Variants in ABCC4 observed in about 807,000 individuals in gnomAD.
ABCC4 encodes the protein ATP-binding cassette sub-family C member 4.
ABCC4 carries 102 observed loss-of-function variants against 168.5 expected under a neutral mutation model. That is an observed-to-expected ratio of 0.61 (90% CI 0.52 to 0.71). The LOEUF is 0.71. Among genes scored for constraint, ABCC4 ranks in the 30% least tolerant of loss-of-function variants. The pLI, the probability that ABCC4 is intolerant of heterozygous loss-of-function variation, is 0.00. For missense variants in ABCC4, 1,402 were observed against 1,605.8 expected, an observed-to-expected ratio of 0.87 and a Z score of 2.17; for synonymous variants, 617 against 590.7, an observed-to-expected ratio of 1.04 and a Z score of -0.65.
Position 95,063,843 on chromosome 13 carries a change from T to C in ABCC4, c.3211-984A>G, listed in dbSNP as rs372094029. Among the ~76,000 whole-genome samples, 46 of 152,340 alleles carry C rather than the reference T, an allele frequency of 3.0e-4. No homozygotes were observed. In the East Asian group the frequency reaches 8.5e-3, roughly 28 times the overall value. On this transcript the variant is annotated intron_variant, in intron 25 of 30. Coordinates refer to ENST00000645237, the MANE Select transcript of ABCC4 (RefSeq NM_005845.5). ...ATGCAGAAACTGGCCTCTGCACCAA[T>C]GACCTTGCACAACTGCAAATTTCCT...
chr13:95,072,771 C>T (rs2033775441), intron 24 of ABCC4, among the ~76,000 whole-genome samples: 1 of 152,160 alleles, frequency 6.6e-6, no homozygotes, highest in African/African-American at 2.4e-5. Flanking sequence ...CTGTTCTTCA[C>T]ATAAGAGAGT....
chr13:95,021,663 T>C lies in ABCC4; in HGVS notation c.3890A>G (p.Tyr1297Cys). The C allele has an allele frequency of 1.2e-6, 2 of 1,609,046 alleles. No homozygotes were observed. The highest frequency in any genetic ancestry group is 1.7e-6 in the Non-Finnish European group (2 of 1,176,488). ...TAKQVYFKRNYPHIGHTDHMV... is the reference protein window; with the variant it reads ...TAKQVYFKRNCPHIGHTDHMV... The stretch of plus-strand genomic sequence containing the variant: ...GTGGTCAGTGTGACCAATATGTGGA[T>C]AATTTCTTTTGAAGTATACCTAGAA... The change falls in exon 31 of 31, where the codon TAT becomes TGT. Residue 1297 changes from tyrosine (Y) to cysteine (C), a missense_variant. Around this residue, in one of 3 missense-constraint regions of ABCC4, gnomAD observed 1,007 missense variants for 1,127.3 expected, o/e 0.89. Coordinates refer to ENST00000645237, the MANE Select transcript of ABCC4 (RefSeq NM_005845.5).
intron 20 of ABCC4, among the ~76,000 whole-genome samples, chr13:95,115,367 A>G (rs2035337803): frequency 6.6e-6 from 1 of 152,104 alleles, no homozygotes; most frequent in African/African-American, 2.4e-5. Flanking sequence ...CTGTACTCAA[A>G]TTGGCTTAGA....
intron 1 of ABCC4, among the ~76,000 whole-genome samples, chr13:95,278,806 G>GAAAAAA (rs71113905): frequency 8.7e-5 from 3 of 34,344 alleles, no homozygotes; most frequent in African/African-American, 4.4e-4. Context: ...CCCTGTCTCG[G>GAAAAAA]AAAAAAAAAA....
intron 19 of ABCC4, among the ~76,000 whole-genome samples, chr13:95,117,482 A>G (rs1325608358): frequency 6.6e-6 from 1 of 151,822 alleles, no homozygotes; most frequent in Admixed American, 6.6e-5. Flanking sequence ...TGTTTGCCAG[A>G]CCATGCTATG....
At chr13:95,291,869 C>T (rs2041412814) in intron 1 of ABCC4, among the ~76,000 whole-genome samples, 2 of 152,136 alleles carry the variant, frequency 1.3e-5, no homozygotes, top group Admixed American at 1.3e-4. Flanking sequence ...ATTGCTTGAA[C>T]CAGAAGGTGG....
chr13:95,076,753 C>T (rs1321839369), intron 21 of ABCC4, among the ~76,000 whole-genome samples: 3 of 151,954 alleles, frequency 2.0e-5, no homozygotes, highest in Admixed American at 6.6e-5. Context: ...GTGTGAGCCA[C>T]CGCACCTGGC....
chr13:95,140,622 GA>G (rs1045775819), intron 19 of ABCC4, among the ~76,000 whole-genome samples: 4 of 150,400 alleles, frequency 2.7e-5, no homozygotes, highest in South Asian at 2.1e-4. Flanking sequence ...AACTTTAAAG[GA>G]AAAAAAAAGA....
rs9561786 is a variant in ABCC4 at position 95,124,883 on chromosome 13, A to T, written c.2456-8882T>A. On this transcript the variant is annotated intron_variant, in intron 19 of 30. Coordinates refer to ENST00000645237, the MANE Select transcript of ABCC4 (RefSeq NM_005845.5). The stretch of plus-strand genomic sequence containing the variant: ...ACAGAGTGAGACTTGATCTCAAAAA[A>T]AAAATAAAATAAAATAAAAAAATAA... Among the ~76,000 whole-genome samples the T allele has an allele frequency of 2.0e-3, 307 of 151,408 alleles. 2 individuals are homozygous for T. The highest frequency in any genetic ancestry group is 8.5e-3 in the East Asian group (44 of 5,172).
intron 20 of ABCC4, among the ~76,000 whole-genome samples, chr13:95,093,872 C>T (rs2034511249): frequency 6.6e-6 from 1 of 152,066 alleles, no homozygotes; most frequent in South Asian, 2.1e-4. Context: ...TTCTATACGC[C>T]AACAGGAACC....
At chr13:95,098,763 T>C (rs34613994) in intron 20 of ABCC4, among the ~76,000 whole-genome samples, 9 of 152,106 alleles carry the variant, frequency 5.9e-5, no homozygotes, top group Non-Finnish European at 8.8e-5. Flanking sequence ...AATAAGACAC[T>C]TGAATGGCCA....
chr13:95,164,054 A>AAAAAGAAAGAAAG (rs59935866), intron 16 of ABCC4, among the ~76,000 whole-genome samples: 6 of 139,010 alleles, frequency 4.3e-5, no homozygotes, highest in African/African-American at 1.7e-4. Flanking sequence ...AAAAAAAAAA[A>AAAAAGAAAGAAAG]AAAGAAAGAA....
At position 95,186,826 on chromosome 13, in the gene ABCC4, T is replaced by C. The variant is rs751719652; in HGVS notation, c.1420A>G (p.Arg474Gly). ...GGCTGCTGAGACACATAGGCAATTC[T>C]TCCATGCACGCTGACCAGCCCGTGA... ...PSHGLVSVHGRIAYVSQQPWV... is the reference protein window; with the variant it reads ...PSHGLVSVHGGIAYVSQQPWV... The change falls in exon 11 of 31, where the codon AGA becomes GGA. Residue 474 changes from arginine to glycine, a missense_variant. By Grantham distance (125) the Arg-to-Gly change is moderately radical. Around this residue, in one of 3 missense-constraint regions of ABCC4, gnomAD observed 1,007 missense variants for 1,127.3 expected, o/e 0.89. Coordinates refer to ENST00000645237, the MANE Select transcript of ABCC4 (RefSeq NM_005845.5). 4.9e-5 allele frequency: 79 copies of C among 1,614,030 alleles called. No individual in the cohort carries two copies. In the South Asian group the frequency reaches 8.6e-4, roughly 17 times the overall value.
intron 20 of ABCC4, among the ~76,000 whole-genome samples, chr13:95,089,226 T>C (rs2034351277): frequency 6.6e-6 from 1 of 152,168 alleles, no homozygotes; most frequent in Admixed American, 6.5e-5. Context: ...GGTCACAAGA[T>C]GATTTTGCAG....
chr13:95,040,137 T>C (rs893494321), intron 29 of ABCC4, among the ~76,000 whole-genome samples: 4 of 152,178 alleles, frequency 2.6e-5, no homozygotes, highest in African/African-American at 9.7e-5. Context: ...CAGTAAATGA[T>C]TCTTCTCACC....
At chr13:95,282,499 G>A (rs1000069091) in intron 1 of ABCC4, among the ~76,000 whole-genome samples, 1 of 152,090 alleles carries the variant, frequency 6.6e-6, no homozygotes, top group South Asian at 2.1e-4. Flanking sequence ...ACTGTTTCTT[G>A]AAACTTTTAC....
intron 20 of ABCC4, among the ~76,000 whole-genome samples, chr13:95,115,389 T>C (rs766568240): frequency 4.6e-5 from 7 of 152,012 alleles, no homozygotes; most frequent in Non-Finnish European, 8.8e-5. Flanking sequence ...ATCCTTGCCT[T>C]TAAAGGCTTT....
intron 20 of ABCC4, among the ~76,000 whole-genome samples, chr13:95,106,680 T>G (rs1162040724): frequency 4.6e-5 from 7 of 152,126 alleles, no homozygotes; most frequent in Non-Finnish European, 7.4e-5. Context: ...GTGCATTGTC[T>G]CACACTCAGT....
At chr13:95,295,615 G>A (rs879679281) in intron 1 of ABCC4, among the ~76,000 whole-genome samples, 13 of 147,918 alleles carry the variant, frequency 8.8e-5, no homozygotes, top group Admixed American at 3.4e-4. Context: ...CCAAGATCAC[G>A]CCACCGCACT....
Sources: allele counts gnomAD v4.1 joint callset (sites outside exome capture counted in the v4.1 genomes callset), GRCh38; gene constraint gnomAD v4.1.1; regional missense constraint gnomAD v4.1.1; transcripts MANE v1.5; gene names NCBI Gene and HGNC (gene_info 2026-07-23, HGNC 2026-07-21).